HSPA13: variants seen among roughly 807,000 people sequenced by gnomAD.
The protein encoded by HSPA13 is heat shock 70 kDa protein 13.
In HSPA13, 29 loss-of-function variants were observed where a neutral mutation model predicts 38.8. The observed-to-expected ratio is 0.75, with a 90% CI of 0.56 to 1.02. The LOEUF is 1.02. Ranked by LOEUF, HSPA13 falls within the 50% of genes least tolerant of loss-of-function variation. The pLI is 0.00. For synonymous variants in HSPA13, 192 were observed against 205.3 expected (o/e 0.94, Z 0.56); for missense variants, 451 against 560.9 (o/e 0.80, Z 1.98).
At position 14,373,837 on chromosome 21, in the gene HSPA13, A is replaced by G; in HGVS notation, c.1196T>C (p.Ile399Thr). ...GCCCCCAACTAAAACCACCTCATCA[A>G]TCTCAGTCTTTTCCAGGTGGCCTTC... The part of the protein sequence containing the change: ...LKEGHLEKTE[I>T]DEVVLVGGST... The change falls in exon 5 of 5, where the codon ATT becomes ACT. Residue 399 changes from isoleucine (I) to threonine (T), a missense_variant. By Grantham distance (89) the Ile-to-Thr change is moderately conservative. Transcript: ENST00000285667. The G allele has an allele frequency of 1.2e-6, 2 of 1,614,138 alleles. No individual in the cohort carries two copies. The highest frequency in any genetic ancestry group is 1.7e-6 in the Non-Finnish European group (2 of 1,180,014).
At position 14,373,560 on chromosome 21, in the gene HSPA13, G is replaced by T; in HGVS notation, c.*57C>A. 1.4e-6 allele frequency: 2 copies of T among 1,396,450 alleles called. No homozygotes were observed. Among genetic ancestry groups the T allele is most frequent in the Non-Finnish European group, 2.0e-6 (2 of 1,023,178 alleles). The allele number at this position is 1,396,450 out of a possible 1,614,324, so 86.5% of individuals were successfully genotyped here. A position where few individuals can be genotyped will look rare whatever the true frequency, so the allele number is the denominator to read the frequency against. ...CTTTCTTTTGTGGAAAAGGTAATCT[G>T]ATAAATGGGAAGAGATCATCAGACA... On this transcript the variant is annotated 3_prime_UTR_variant, in exon 5 of 5. Transcript: ENST00000285667.
At chr21:14,377,781 G>A (rs906957361) in intron 3 of HSPA13, among the ~76,000 whole-genome samples, 5 of 152,228 alleles carry the variant, frequency 3.3e-5, no homozygotes, top group African/African-American at 7.2e-5. Flanking sequence ...CGTGCTGGAC[G>A]CTTCCTGCCC....
At chr21:14,375,349 C>T (rs1441098149) in intron 4 of HSPA13, among the ~76,000 whole-genome samples, 3 of 151,828 alleles carry the variant, frequency 2.0e-5, no homozygotes. Context: ...TAAATATATA[C>T]AAATGGTATA....
rs183670248 is a variant in HSPA13 at position 14,378,417 on chromosome 21, G to T, written c.367-5C>A. ...CATTCCATTTTTGTTTAAAACCTGT[G>T]AATAGGATTTGCAAATAAGTAAATA... On this transcript the variant is annotated splice_region_variant and splice_polypyrimidine_tract_variant and intron_variant, in intron 2 of 4. Coordinates refer to ENST00000285667, the MANE Select transcript of HSPA13 (RefSeq NM_006948.5). 122 of 1,592,288 alleles carry T rather than the reference G, an allele frequency of 7.7e-5. 2 individuals are homozygous for T. The East Asian group carries it at 2.6e-3, about 34-fold the overall frequency.
chr21:14,378,051 C>T (rs2123525947), intron 3 of HSPA13, 148 bp downstream of exon 3: 4 of 625,976 alleles, frequency 6.4e-6, no homozygotes, highest in South Asian at 5.8e-5. Context: ...TCAGTCCTGT[C>T]CCTCTAGAGA....
chr21:14,380,756 A>G (rs1984146905), intron 2 of HSPA13, among the ~76,000 whole-genome samples: 2 of 152,246 alleles, frequency 1.3e-5, no homozygotes, highest in African/African-American at 4.8e-5. Context: ...GACTAGTCTA[A>G]TTAATAATGG....
At chr21:14,379,926 T>G (rs1322975619) in intron 2 of HSPA13, among the ~76,000 whole-genome samples, 1 of 151,290 alleles carries the variant, frequency 6.6e-6, no homozygotes, top group South Asian at 2.1e-4. Flanking sequence ...GGGAGGAGAA[T>G]CACTTGAACC....
chr21:14,375,836 G>C lies in HSPA13; in HGVS notation c.581-17C>G. The C allele has an allele frequency of 1.2e-6, 2 of 1,607,548 alleles. No individual in the cohort carries two copies. Among genetic ancestry groups the C allele is most frequent in the Non-Finnish European group, 1.7e-6 (2 of 1,175,748 alleles). On this transcript the variant is annotated splice_polypyrimidine_tract_variant and intron_variant, in intron 3 of 4. Transcript: ENST00000285667. ...TCTTCAGTCCTGTAAGATTGGTTAA[G>C]GGAAGAAAAATTCATGAGAGGATGC...
intron 3 of HSPA13, among the ~76,000 whole-genome samples, chr21:14,377,798 A>G (rs564394073): frequency 6.6e-6 from 1 of 152,354 alleles, no homozygotes; most frequent in South Asian, 2.1e-4. Context: ...GCCCTTGAAC[A>G]TCGGACTCTA....
chr21:14,375,753 G>A lies in HSPA13; in HGVS notation c.647C>T (p.Ala216Val). 6.2e-7 allele frequency: 1 copy of A among 1,614,086 alleles called. No individual in the cohort carries two copies. Among genetic ancestry groups the A allele is most frequent in the Non-Finnish European group, 8.5e-7 (1 of 1,179,942 alleles). ...AAAMAYGLHK[A>V]DVFHVLVIDL... The stretch of plus-strand genomic sequence containing the variant: ...TATCACCAAGACGTGGAAGACGTCA[G>A]CCTTGTGGAGACCATAGGCCATAGC... Residue 216 changes from alanine to valine, a missense_variant, in exon 4 of 5, where the codon GCT becomes GTT. Ala to Val is a moderately conservative substitution (Grantham distance 64). Coordinates refer to ENST00000285667, the MANE Select transcript of HSPA13 (RefSeq NM_006948.5).
At chr21:14,375,876 T>G in intron 3 of HSPA13, 57 bp from the exon 4 acceptor site, 541 of 1,373,160 alleles carry the variant, frequency 3.9e-4, no homozygotes, top group Non-Finnish European at 4.9e-4. Flanking sequence ...AAGTAATCTC[T>G]TCCCACTTAC....
chr21:14,375,640 C>A lies in HSPA13; in HGVS notation c.748+12G>T, dbSNP rs1984002486. On this transcript the variant is annotated intron_variant, in intron 4 of 4. Coordinates refer to ENST00000285667, the MANE Select transcript of HSPA13 (RefSeq NM_006948.5). ...AGCCACTGCGCCCAGCCTCTCCCTGCATTTTTCTTACCAGACATTGCTCGG... is the reference window on the plus strand; with the variant it reads ...AGCCACTGCGCCCAGCCTCTCCCTGAATTTTTCTTACCAGACATTGCTCGG... 2 of 1,611,068 alleles carry A rather than the reference C, an allele frequency of 1.2e-6. No homozygotes were observed. The highest frequency in any genetic ancestry group is 1.1e-5 in the South Asian group (1 of 91,030).
At chr21:14,379,264 T>C (rs1984109494) in intron 2 of HSPA13, among the ~76,000 whole-genome samples, 1 of 152,200 alleles carries the variant, frequency 6.6e-6, no homozygotes. Flanking sequence ...AATGTGGGTG[T>C]ACATTTAAAA....
At chr21:14,379,496 C>A (rs938740930) in intron 2 of HSPA13, among the ~76,000 whole-genome samples, 6 of 152,018 alleles carry the variant, frequency 3.9e-5, no homozygotes, top group Non-Finnish European at 8.8e-5. Context: ...TACAAATATA[C>A]CAGAACCATC....
intron 1 of HSPA13, 135 bp downstream of exon 1, chr21:14,382,960 C>T: frequency 1.8e-6 from 2 of 1,103,010 alleles, no homozygotes; most frequent in Admixed American, 1.7e-5. Flanking sequence ...CGAAAACCGT[C>T]TCTAAGTCAC....
chr21:14,376,936 T>G (rs575533486), intron 3 of HSPA13, among the ~76,000 whole-genome samples: 2 of 152,348 alleles, frequency 1.3e-5, no homozygotes, highest in South Asian at 4.1e-4. Flanking sequence ...CTTTTCTTCA[T>G]AGTGGTTACT....
chr21:14,374,247 T>A lies in HSPA13; in HGVS notation c.786A>T (p.Arg262Ser), dbSNP rs1370298596. ...TCTGTTTATATAAGTACTGAAGCAA[T>A]CTCTGATTGAAGTCCTGTCCTCCAA... The part of the protein sequence containing the change: ...NKLGGQDFNQ[R>S]LLQYLYKQIY... The change falls in exon 5 of 5, where the codon AGA becomes AGT. Residue 262 changes from arginine (R) to serine (S), a missense_variant. Arg to Ser is a moderately radical substitution (Grantham distance 110). Coordinates refer to ENST00000285667, the MANE Select transcript of HSPA13 (RefSeq NM_006948.5). 2 of 1,610,854 alleles carry A rather than the reference T, an allele frequency of 1.2e-6. No individual in the cohort carries two copies. The highest frequency in any genetic ancestry group is 1.7e-5 in the Admixed American group (1 of 60,018).
rs577537129 is a variant in HSPA13 at position 14,371,883 on chromosome 21, A to T, written c.*1734T>A. The T allele has an allele frequency of 6.5e-6, 1 of 152,684 alleles. No individual in the cohort carries two copies. Among genetic ancestry groups the T allele is most frequent in the South Asian group, 2.1e-4 (1 of 4,830 alleles). The allele number at this position is 152,684 out of a possible 1,614,324, so 9.5% of individuals were successfully genotyped here. A position where few individuals can be genotyped will look rare whatever the true frequency, so the allele number is the denominator to read the frequency against. ...ATTACAGATTTATATAAAGTCCAAG[A>T]GAACATGTGAAATATTTTCATAATG... is the stretch of plus-strand genomic sequence containing the variant. On this transcript the variant is annotated 3_prime_UTR_variant, in exon 5 of 5. Transcript: ENST00000285667.
At position 14,374,209 on chromosome 21, in the gene HSPA13, T is replaced by C. The variant is rs757697614; in HGVS notation, c.824A>G (p.Tyr275Cys). 1 of 1,613,210 alleles carries C rather than the reference T, an allele frequency of 6.2e-7. No homozygotes were observed. The highest frequency in any genetic ancestry group is 2.2e-5 in the East Asian group (1 of 44,888). Reference sequence around the variant, plus strand: ...CTCTTTCCTAGAGGGCACGAAGCCATATGTTTGATAGATCTGTTTATATAA... The same window carrying C: ...CTCTTTCCTAGAGGGCACGAAGCCACATGTTTGATAGATCTGTTTATATAA... ...QYLYKQIYQT[Y>C]GFVPSRKEEI... The change falls in exon 5 of 5, where the codon TAT becomes TGT. Residue 275 changes from tyrosine to cysteine, a missense_variant. Physicochemically the swap from Tyr to Cys is radical, Grantham distance 194 (BLOSUM62 -2). Coordinates refer to ENST00000285667, the MANE Select transcript of HSPA13 (RefSeq NM_006948.5).
Sources: allele counts gnomAD v4.1 joint callset (sites outside exome capture counted in the v4.1 genomes callset), GRCh38; gene constraint gnomAD v4.1.1; transcripts MANE v1.5; gene names NCBI Gene and HGNC (gene_info 2026-07-23, HGNC 2026-07-21).